KIN: variants seen among roughly 807,000 people sequenced by gnomAD.
KIN encodes Kin17 DNA and RNA binding protein.
In KIN, 47 loss-of-function variants were observed where a neutral mutation model predicts 63.0. The ratio of observed to expected loss-of-function variants is 0.75; its 90% CI spans 0.59 to 0.95. KIN has a LOEUF of 0.95. Ranked by LOEUF, KIN falls within the 40% of genes least tolerant of loss-of-function variation. The pLI is 0.00. For synonymous variants in KIN, 160 were observed against 157.7 expected (o/e 1.01, Z -0.11); for missense variants, 408 against 460.9 (o/e 0.89, Z 1.05).
intron 7 of KIN, 107 bp downstream of exon 7, chr10:7,774,724 T>A (rs1588481046): frequency 6.7e-6 from 6 of 892,462 alleles, no homozygotes; most frequent in South Asian, 3.3e-5. Context: ...CAAAAACAGG[T>A]GAAAACTACA....
intron 5 of KIN, among the ~76,000 whole-genome samples, chr10:7,776,631 T>C (rs761416827): frequency 6.7e-6 from 1 of 149,938 alleles, no homozygotes; most frequent in East Asian, 2.0e-4. Flanking sequence ...CTTGGGAGGC[T>C]GAGACAGGAG....
intron 11 of KIN, 110 bp downstream of exon 11, chr10:7,762,347 G>T (rs7907885): frequency 3.5e-6 from 2 of 571,500 alleles, no homozygotes; most frequent in Non-Finnish European, 3.0e-6. Context: ...AGTTAATGCC[G>T]CCAAGACAGA....
chr10:7,752,179 G>T lies in KIN; in HGVS notation c.*3901C>A, dbSNP rs1025606017. On this transcript the variant is annotated 3_prime_UTR_variant, in exon 13 of 13. Transcript: ENST00000379562. ...GAAAATACTTGCAAAAGACACATTC[G>T]ATAAAGAACACAACTGAAATATACA... The T allele has an allele frequency of 1.3e-5, 2 of 151,902 alleles. No homozygotes were observed. The highest frequency in any genetic ancestry group is 4.8e-5 in the African/African-American group (2 of 41,332). The allele number at this position is 151,902 out of a possible 1,614,324, so 9.4% of individuals were successfully genotyped here. A position where few individuals can be genotyped will look rare whatever the true frequency, so the allele number is the denominator to read the frequency against.
rs746236139 is a variant in KIN at position 7,775,801 on chromosome 10, T to TA, written c.559-3dup. The TA allele has an allele frequency of 1.5e-4, 229 of 1,539,232 alleles. No homozygotes were observed. The highest frequency in any genetic ancestry group is 2.9e-4 in the African/African-American group (21 of 71,812). On this transcript the variant is annotated splice_region_variant and splice_polypyrimidine_tract_variant and intron_variant, in intron 5 of 12. Transcript: ENST00000379562. ...TAATTCCGTAAAAGTAGGGACCTCC[T>TA]AAAAAAAAGAAAGTTTTAAGGTTTT...
chr10:7,761,224 A>G (rs1244696085), intron 11 of KIN: 1 of 152,158 alleles, frequency 6.6e-6, no homozygotes, highest in Non-Finnish European at 1.5e-5. Context: ...TTGTACATCA[A>G]TTTTACCACA....
chr10:7,783,466 C>T (rs916055383), intron 1 of KIN, among the ~76,000 whole-genome samples: 4 of 152,110 alleles, frequency 2.6e-5, no homozygotes, highest in African/African-American at 7.2e-5. Context: ...AAGAGAGATT[C>T]CATTTTTTAG....
At chr10:7,757,216 TGGGTC>T (rs1444564086) in intron 12 of KIN, among the ~76,000 whole-genome samples, 1 of 152,122 alleles carries the variant, frequency 6.6e-6, no homozygotes, top group African/African-American at 2.4e-5. Flanking sequence ...ATTTGAGAGT[TGGGTC>T]GGGCGCAGTG....
chr10:7,774,654 C>A (rs1190143596), intron 7 of KIN, among the ~76,000 whole-genome samples, 177 bp downstream of exon 7: 2 of 150,842 alleles, frequency 1.3e-5, no homozygotes, highest in East Asian at 1.9e-4. Flanking sequence ...ATAGCAAGAC[C>A]CCATCTCTTA....
chr10:7,779,994 C>T (rs1835863804), intron 4 of KIN, 62 bp downstream of exon 4: 1 of 1,551,428 alleles, frequency 6.4e-7, no homozygotes, highest in Middle Eastern at 1.7e-4. Flanking sequence ...TTATCCCAAA[C>T]ATCTCATCCT....
Position 7,780,290 on chromosome 10 carries a change from A to G in KIN, c.227T>C (p.Phe76Ser), listed in dbSNP as rs1835870825. The G allele has an allele frequency of 1.9e-6, 3 of 1,607,846 alleles. No individual in the cohort carries two copies. The highest frequency in any genetic ancestry group is 2.5e-6 in the Non-Finnish European group (3 of 1,178,138). Residue 76 changes from phenylalanine (F) to serine (S), a missense_variant, in exon 3 of 13, where the codon TTT becomes TCT. Transcript: ENST00000379562. ...AAAGCGTCTCCTGAGAAGTTCTAGA[A>G]AGTCATTTCGGAATTCCCTAATAAA... ...DYFSEEFRND[F>S]LELLRRRFGT...
chr10:7,786,622 G>A (rs1233892455), intron 1 of KIN, among the ~76,000 whole-genome samples: 1 of 151,884 alleles, frequency 6.6e-6, no homozygotes, highest in African/African-American at 2.4e-5. Flanking sequence ...AGGAAGAGAA[G>A]TTTCTATTAG....
intron 5 of KIN, among the ~76,000 whole-genome samples, chr10:7,777,304 G>A (rs559836766): frequency 6.6e-6 from 1 of 151,386 alleles, no homozygotes; most frequent in Non-Finnish European, 1.5e-5. Flanking sequence ...ATCAATCGTG[G>A]TATACTGGAA....
intron 1 of KIN, among the ~76,000 whole-genome samples, chr10:7,785,510 C>A (rs2802458): frequency 0.74 from 113,105 of 151,946 alleles, 42,558 homozygotes; most frequent in Non-Finnish European, 0.8. Flanking sequence ...AAGAAAAAGA[C>A]GGCTGGGCGC....
At position 7,755,869 on chromosome 10, in the gene KIN, T is replaced by C. The variant is rs903358871; in HGVS notation, c.*211A>G. 8.2e-6 allele frequency: 3 copies of C among 365,914 alleles called. No homozygotes were observed. Among genetic ancestry groups the C allele is most frequent in the African/African-American group, 6.3e-5 (3 of 47,796 alleles). 22.7% of individuals were successfully genotyped at this position (365,914 alleles called of 1,614,324 possible). On this transcript the variant is annotated 3_prime_UTR_variant, in exon 13 of 13. Transcript: ENST00000379562. ...AAGTAAATTACAAAGGAAACAAAAATAACAAGGACAAAATTACATAGTTTG... is the reference window on the plus strand; with the variant it reads ...AAGTAAATTACAAAGGAAACAAAAACAACAAGGACAAAATTACATAGTTTG...
Position 7,751,649 on chromosome 10 carries a change from C to A in KIN, c.*4431G>T, listed in dbSNP as rs566588915. 2 of 152,248 alleles carry A rather than the reference C, an allele frequency of 1.3e-5. No homozygotes were observed. Among genetic ancestry groups the A allele is most frequent in the South Asian group, 2.1e-4 (1 of 4,822 alleles). 9.4% of individuals were successfully genotyped at this position (152,248 alleles called of 1,614,324 possible). A position where few individuals can be genotyped will look rare whatever the true frequency, so the allele number is the denominator to read the frequency against. On this transcript the variant is annotated 3_prime_UTR_variant, in exon 13 of 13. Transcript: ENST00000379562. ...CTATAAGAAGTGCTCACCTATGATA[C>A]CCTTTTGAAAAACCTACTGCATCTT...
At position 7,762,528 on chromosome 10, in the gene KIN, A is replaced by G; in HGVS notation, c.947T>C (p.Val316Ala). The change falls in exon 11 of 13, where the codon GTG becomes GCG. Residue 316 changes from valine to alanine, a missense_variant. By Grantham distance (64) the Val-to-Ala change is moderately conservative (BLOSUM62 0). Around this residue, in one of 2 missense-constraint regions of KIN, gnomAD observed 298 missense variants for 296.0 expected, o/e 1.01. Coordinates refer to ENST00000379562, the MANE Select transcript of KIN (RefSeq NM_012311.4). The stretch of plus-strand genomic sequence containing the variant: ...CTTGTCTCCAGAATCAATCATCTTC[A>G]CAACAGCTGTATATTTGTCAATTAC... ...KEVIDKYTAV[V>A]KMIDSGDKLK... 2 of 1,609,894 alleles carry G rather than the reference A, an allele frequency of 1.2e-6. No homozygotes were observed. Among genetic ancestry groups the G allele is most frequent in the Non-Finnish European group, 1.7e-6 (2 of 1,177,104 alleles).
At position 7,773,343 on chromosome 10, in the gene KIN, A is replaced by G. The variant is rs374734812; in HGVS notation, c.668+1488T>C. Among the ~76,000 whole-genome samples the G allele has an allele frequency of 2.4e-4, 37 of 152,320 alleles. No individual in the cohort carries two copies. In the East Asian group the frequency reaches 6.8e-3, roughly 28 times the overall value. Reference sequence around the variant, plus strand: ...TAGAAAACTAATACAAGGGAGGTCAATTGGGGAACACTGGAACCAATTTTA... The same window carrying G: ...TAGAAAACTAATACAAGGGAGGTCAGTTGGGGAACACTGGAACCAATTTTA... On this transcript the variant is annotated intron_variant, in intron 7 of 12. Coordinates refer to ENST00000379562, the MANE Select transcript of KIN (RefSeq NM_012311.4).
intron 1 of KIN, among the ~76,000 whole-genome samples, chr10:7,785,115 G>A (rs1379158720): frequency 1.3e-5 from 2 of 151,950 alleles, no homozygotes; most frequent in Non-Finnish European, 2.9e-5. Flanking sequence ...TAGGCATGGT[G>A]GCAATCACCT....
intron 8 of KIN, among the ~76,000 whole-genome samples, chr10:7,768,842 C>T (rs1279976820): frequency 6.6e-6 from 1 of 151,936 alleles, no homozygotes; most frequent in Admixed American, 6.6e-5. Context: ...CATGGTGAAA[C>T]CCCATCTCTA....
Sources: allele counts gnomAD v4.1 joint callset (sites outside exome capture counted in the v4.1 genomes callset), GRCh38; gene constraint gnomAD v4.1.1; regional missense constraint gnomAD v4.1.1; transcripts MANE v1.5; gene names NCBI Gene and HGNC (gene_info 2026-07-23, HGNC 2026-07-21).